The following GADL1 variants were observed in gnomAD, a reference collection of about 807,000 sequenced individuals.
GADL1 encodes acidic amino acid decarboxylase GADL1.
GADL1 carries 71 observed loss-of-function variants against 69.5 expected under a neutral mutation model. The ratio of observed to expected loss-of-function variants is 1.02; its 90% CI spans 0.84 to 1.25. The LOEUF (loss-of-function observed/expected upper bound fraction) is 1.25. Among genes scored for constraint, GADL1 ranks in the 50% most tolerant of loss-of-function variants. The probability of loss-of-function intolerance (pLI) is 0.00; values close to 1 mark genes in which losing one functional copy is unlikely to be tolerated. For synonymous variants in GADL1, 254 were observed against 214.4 expected (o/e 1.18, Z -1.62); for missense variants, 737 against 631.8 (o/e 1.17, Z -1.79).
At chr3:30,841,486 T>A (rs1032306521) in intron 8 of GADL1, among the ~76,000 whole-genome samples, 55 of 151,674 alleles carry the variant, frequency 3.6e-4, no homozygotes, top group Admixed American at 2.8e-3. Context: ...TAAAAAAAAA[T>A]GGGGATTATC....
intron 6 of GADL1, among the ~76,000 whole-genome samples, chr3:30,847,424 T>C (rs1698076933): frequency 6.6e-6 from 1 of 152,150 alleles, no homozygotes; most frequent in African/African-American, 2.4e-5. Context: ...GACCAAACCC[T>C]TAAAAGAAAA....
intron 1 of GADL1, among the ~76,000 whole-genome samples, chr3:30,878,156 T>C (rs181280004): frequency 1.3e-5 from 2 of 152,028 alleles, no homozygotes; most frequent in African/African-American, 4.8e-5. Context: ...ACTTTAACCT[T>C]TCTGGTTAAA....
chr3:30,836,397 T>TAAA lies in GADL1; in HGVS notation c.904-2119_904-2117dup, dbSNP rs34081672. On this transcript the variant is annotated intron_variant, in intron 9 of 14. Coordinates refer to ENST00000282538, the MANE Select transcript of GADL1 (RefSeq NM_207359.3). ...ACAGCTCATCCATAAATTTATTCCTTAAAAAAAAAAAAACACCCCTGATGT... is the reference window on the plus strand; with the variant it reads ...ACAGCTCATCCATAAATTTATTCCTTAAAAAAAAAAAAAAAACACCCCTGATGT... Among the ~76,000 whole-genome samples the TAAA allele has an allele frequency of 4.8e-5, 7 of 144,828 alleles. No individual in the cohort carries two copies. In the East Asian group the frequency reaches 1.0e-3, roughly 21 times the overall value.
intron 11 of GADL1, among the ~76,000 whole-genome samples, chr3:30,801,498 T>TTA (rs1186204127): frequency 2.0e-5 from 3 of 152,094 alleles, no homozygotes; most frequent in African/African-American, 7.2e-5. Context: ...AAACTAGGTT[T>TTA]TAAGACCTTC....
chr3:30,761,458 A>G (rs1385275009), intron 14 of GADL1, among the ~76,000 whole-genome samples: 1 of 145,740 alleles, frequency 6.9e-6, no homozygotes, highest in East Asian at 2.0e-4. Context: ...TCAATTAACT[A>G]CAGAACCTGG....
chr3:30,757,306 T>C (rs1434303884), intron 14 of GADL1, among the ~76,000 whole-genome samples: 1 of 152,072 alleles, frequency 6.6e-6, no homozygotes, highest in Non-Finnish European at 1.5e-5. Context: ...CAGCCTGACA[T>C]TTAAAAATCA....
chr3:30,837,458 T>G lies in GADL1; in HGVS notation c.903+1539A>C, dbSNP rs115201123. On this transcript the variant is annotated intron_variant, in intron 9 of 14. Coordinates refer to ENST00000282538, the MANE Select transcript of GADL1 (RefSeq NM_207359.3). The stretch of plus-strand genomic sequence containing the variant: ...ATAGGATAATTTGGTGTGGTTTACA[T>G]TCCCTTATAAAGATGTTTTCTTCAA... Among the ~76,000 whole-genome samples the G allele has an allele frequency of 7.7e-3, 1,166 of 152,202 alleles. 21 individuals are homozygous for G. The highest frequency in any genetic ancestry group is 0.026 in the African/African-American group (1,093 of 41,552).
At position 30,837,913 on chromosome 3, in the gene GADL1, G is replaced by C. The variant is rs181501397; in HGVS notation, c.903+1084C>G. Among the ~76,000 whole-genome samples the C allele has an allele frequency of 2.6e-4, 40 of 152,204 alleles. No homozygotes were observed. The East Asian group carries it at 7.0e-3, about 27-fold the overall frequency. On this transcript the variant is annotated intron_variant, in intron 9 of 14. Transcript: ENST00000282538. Reference sequence around the variant, plus strand: ...AAGTATTGCCATTGGCATACTAATAGAAGCAATAACTCTAGTAAACTTTAT... The same window carrying C: ...AAGTATTGCCATTGGCATACTAATACAAGCAATAACTCTAGTAAACTTTAT...
At chr3:30,756,543 G>A (rs1464607009) in intron 14 of GADL1, among the ~76,000 whole-genome samples, 2 of 152,150 alleles carry the variant, frequency 1.3e-5, no homozygotes, top group Non-Finnish European at 2.9e-5. Flanking sequence ...CCTGGTCTTG[G>A]AATTTGCTTT....
At chr3:30,886,048 C>T (rs1698701780) in intron 1 of GADL1, among the ~76,000 whole-genome samples, 1 of 152,006 alleles carries the variant, frequency 6.6e-6, no homozygotes, top group Non-Finnish European at 1.5e-5. Context: ...ATTCTAAATA[C>T]ACATCAACAA....
chr3:30,817,909 G>A (rs1208596614), intron 11 of GADL1, among the ~76,000 whole-genome samples: 1 of 152,216 alleles, frequency 6.6e-6, no homozygotes, highest in Admixed American at 6.5e-5. Flanking sequence ...CAAAAGAGAA[G>A]TGGTGAACTT....
In GADL1 at chr3:30,806,771, A is replaced by G. The variant is rs142358253; in HGVS notation, c.1051-5683T>C. On this transcript the variant is annotated intron_variant, in intron 11 of 14. Coordinates refer to ENST00000282538, the MANE Select transcript of GADL1 (RefSeq NM_207359.3). ...GCTGGACAGATGAGAGAACAGAACT[A>G]ATTGAGTACAACTGGAGCTAATTAA... Among the ~76,000 whole-genome samples the G allele has an allele frequency of 5.4e-3, 819 of 152,316 alleles. 8 individuals are homozygous for G. Among genetic ancestry groups the G allele is most frequent in the African/African-American group, 0.018 (758 of 41,564 alleles).
chr3:30,768,435 G>GA (rs2125490436), intron 14 of GADL1, among the ~76,000 whole-genome samples: 1 of 152,010 alleles, frequency 6.6e-6, no homozygotes, highest in South Asian at 2.1e-4. Context: ...AGCTTGAGGG[G>GA]AAAACATTAA....
At chr3:30,783,142 A>G (rs1415254631) in intron 13 of GADL1, among the ~76,000 whole-genome samples, 2 of 152,210 alleles carry the variant, frequency 1.3e-5, no homozygotes, top group African/African-American at 2.4e-5. Context: ...GAAGTTGACT[A>G]TATGTCCTCG....
At chr3:30,767,455 T>G (rs530179009) in intron 14 of GADL1, among the ~76,000 whole-genome samples, 1 of 152,134 alleles carries the variant, frequency 6.6e-6, no homozygotes, top group African/African-American at 2.4e-5. Context: ...AAAACTGAAA[T>G]AGTTTTTAAA....
intron 14 of GADL1, among the ~76,000 whole-genome samples, chr3:30,749,201 C>T (rs114839061): frequency 6.6e-6 from 1 of 152,288 alleles, no homozygotes; most frequent in Non-Finnish European, 1.5e-5. Flanking sequence ...GTAATTGATT[C>T]TATCCAGTCT....
intron 11 of GADL1, among the ~76,000 whole-genome samples, chr3:30,817,901 A>G (rs1482562027): frequency 1.3e-5 from 2 of 152,234 alleles, no homozygotes; most frequent in African/African-American, 4.8e-5. Flanking sequence ...TAGCCTTACA[A>G]AAGAGAAGTG....
At chr3:30,850,502 C>T (rs1425707773) in intron 5 of GADL1, among the ~76,000 whole-genome samples, 2 of 152,066 alleles carry the variant, frequency 1.3e-5, no homozygotes, top group Non-Finnish European at 2.9e-5. Flanking sequence ...ACAGGATAAA[C>T]AAATGTAATT....
At chr3:30,819,214 C>T (rs1559508447) in intron 11 of GADL1, among the ~76,000 whole-genome samples, 1 of 141,334 alleles carries the variant, frequency 7.1e-6, no homozygotes, top group African/African-American at 2.8e-5. Context: ...TACACTTATA[C>T]TTAAGAATTG....
Sources: gnomAD v4.1 joint callset for allele counts (sites outside exome capture counted in the v4.1 genomes callset) on GRCh38, gnomAD v4.1.1 for gene constraint, MANE v1.5 for transcripts, NCBI Gene and HGNC (gene_info 2026-07-23, HGNC 2026-07-21) for gene names.